The following RABGAP1L variants were observed in gnomAD, a reference collection of about 807,000 sequenced individuals.
RABGAP1L encodes the protein RAB GTPase activating protein 1 like.
RABGAP1L carries 63 observed loss-of-function variants against 137.7 expected under a neutral mutation model. That is an observed-to-expected ratio of 0.46 (90% confidence interval 0.37 to 0.56). The LOEUF is 0.56. RABGAP1L is among the 20% of genes least tolerant of loss of function. The pLI is 0.00. For synonymous variants in RABGAP1L, 431 were observed against 433.7 expected, an observed-to-expected ratio of 0.99 and a Z score of 0.08; for missense variants, 1,095 against 1,244.0, an observed-to-expected ratio of 0.88 and a Z score of 1.80.
intron 19 of RABGAP1L, among the ~76,000 whole-genome samples, chr1:174,908,533 T>C (rs986256935): frequency 3.5e-5 from 5 of 144,780 alleles, no homozygotes; most frequent in African/African-American, 1.3e-4. Context: ...TTAAACAACA[T>C]ATTCTTTTTT....
intron 11 of RABGAP1L, among the ~76,000 whole-genome samples, chr1:174,322,440 T>A (rs1680079164): frequency 6.6e-6 from 1 of 152,174 alleles, no homozygotes; most frequent in African/African-American, 2.4e-5. Flanking sequence ...GGCAAGAATC[T>A]CCAAAAGCGC....
At chr1:174,596,983 C>T (rs1406602304) in intron 13 of RABGAP1L, among the ~76,000 whole-genome samples, 2 of 151,922 alleles carry the variant, frequency 1.3e-5, no homozygotes, top group East Asian at 1.9e-4. Flanking sequence ...ATCATATGGT[C>T]TACGTCCTTC....
chr1:174,251,001 C>G (rs953235746), intron 6 of RABGAP1L, among the ~76,000 whole-genome samples: 4 of 152,196 alleles, frequency 2.6e-5, no homozygotes, highest in Admixed American at 6.5e-5. Flanking sequence ...GGGTTTCACC[C>G]CGTTGGCCAG....
intron 5 of RABGAP1L, 126 bp downstream of exon 5, chr1:174,241,783 T>C: frequency 1.2e-6 from 1 of 853,658 alleles, no homozygotes; most frequent in African/African-American, 1.7e-5. Context: ...ACAAAATTAA[T>C]ATTTGTAATG....
intron 13 of RABGAP1L, among the ~76,000 whole-genome samples, chr1:174,621,302 C>A (rs898666450): frequency 1.3e-5 from 2 of 152,162 alleles, no homozygotes; most frequent in Admixed American, 6.5e-5. Context: ...AGATTCAATG[C>A]CATCCCCATC....
At chr1:174,596,439 T>C (rs1223940993) in intron 13 of RABGAP1L, among the ~76,000 whole-genome samples, 1 of 152,218 alleles carries the variant, frequency 6.6e-6, no homozygotes, top group Non-Finnish European at 1.5e-5. Context: ...TTCACTTCTT[T>C]GGTTAAGTTA....
At chr1:174,364,782 GGT>G (rs1172911559) in intron 11 of RABGAP1L, among the ~76,000 whole-genome samples, 1 of 152,132 alleles carries the variant, frequency 6.6e-6, no homozygotes, top group African/African-American at 2.4e-5. Context: ...CAAGGTCAAT[GGT>G]GTACTCCATG....
chr1:174,348,818 C>G (rs1292536915), intron 11 of RABGAP1L, among the ~76,000 whole-genome samples: 1 of 151,870 alleles, frequency 6.6e-6, no homozygotes, highest in Non-Finnish European at 1.5e-5. Context: ...AGGAATTTTT[C>G]TTAGTGCAGA....
At chr1:174,851,927 A>G (rs1648435815) in intron 19 of RABGAP1L, among the ~76,000 whole-genome samples, 2 of 152,180 alleles carry the variant, frequency 1.3e-5, no homozygotes, top group African/African-American at 2.4e-5. Flanking sequence ...ATGATAGTGC[A>G]ATCAAGTAAC....
intron 19 of RABGAP1L, among the ~76,000 whole-genome samples, chr1:174,906,865 T>C (rs1659176055): frequency 1.3e-5 from 2 of 150,220 alleles, no homozygotes; most frequent in African/African-American, 4.9e-5. Flanking sequence ...ATATAGGCCA[T>C]GAGGGGATGA....
chr1:174,637,148 A>T (rs1280057319), intron 13 of RABGAP1L, among the ~76,000 whole-genome samples: 1 of 152,024 alleles, frequency 6.6e-6, no homozygotes, highest in Non-Finnish European at 1.5e-5. Flanking sequence ...CCATATAAAC[A>T]TACATACACA....
At chr1:174,391,649 G>T (rs1687220250) in intron 12 of RABGAP1L, among the ~76,000 whole-genome samples, 1 of 152,118 alleles carries the variant, frequency 6.6e-6, no homozygotes, top group Non-Finnish European at 1.5e-5. Flanking sequence ...GCCAAGAAAG[G>T]ATTCTTTCAC....
chr1:174,355,695 A>G (rs747640552), intron 11 of RABGAP1L, among the ~76,000 whole-genome samples: 104 of 152,252 alleles, frequency 6.8e-4, no homozygotes, highest in Non-Finnish European at 1.3e-3. Flanking sequence ...TGACTGCCCT[A>G]GGTCTCGAGT....
rs74128329 is a variant in RABGAP1L, at chr1:174,252,714, A to C, written c.986+124A>C. On this transcript the variant is annotated intron_variant, in intron 7 of 25. Transcript: ENST00000681986. The stretch of plus-strand genomic sequence containing the variant: ...CTCCAATTAAAAATGAGGATAATTA[A>C]TAATACTTTCTCTACTTTAACTTAG... 2.5e-3 allele frequency: 3,477 copies of C among 1,384,476 alleles called. 107 individuals carry two copies. The African/African-American group carries it at 0.049, about 19-fold the overall frequency. The allele number at this position is 1,384,476 out of a possible 1,614,324, so 85.8% of individuals were successfully genotyped here. A position where few individuals can be genotyped will look rare whatever the true frequency, so the allele number is the denominator to read the frequency against.
chr1:174,255,632 C>T (rs1393176070), intron 7 of RABGAP1L, among the ~76,000 whole-genome samples: 1 of 152,224 alleles, frequency 6.6e-6, no homozygotes, highest in Non-Finnish European at 1.5e-5. Context: ...TCCAGCTATT[C>T]TCCTGCCTCA....
chr1:174,330,040 A>G (rs182838341), intron 11 of RABGAP1L, among the ~76,000 whole-genome samples: 1 of 152,332 alleles, frequency 6.6e-6, no homozygotes, highest in East Asian at 1.9e-4. Context: ...TAGTCCTGGA[A>G]ATTCTAGCCA....
At chr1:174,490,106 G>A (rs1283598371) in intron 13 of RABGAP1L, among the ~76,000 whole-genome samples, 1 of 151,968 alleles carries the variant, frequency 6.6e-6, no homozygotes, top group Non-Finnish European at 1.5e-5. Context: ...AGTTTGTTTG[G>A]TGAGGTCATG....
chr1:174,786,250 AT>A (rs1007661585), intron 18 of RABGAP1L, among the ~76,000 whole-genome samples: 1 of 152,172 alleles, frequency 6.6e-6, no homozygotes, highest in Non-Finnish European at 1.5e-5. Flanking sequence ...TAAAGGGGAT[AT>A]TTTTTGTTAA....
intron 18 of RABGAP1L, among the ~76,000 whole-genome samples, chr1:174,762,079 G>T (rs1685271745): frequency 6.6e-6 from 1 of 152,036 alleles, no homozygotes; most frequent in Non-Finnish European, 1.5e-5. Context: ...ACTGAGTGTT[G>T]AGGGACAGAT....
Sources: gnomAD v4.1 joint callset for allele counts (sites outside exome capture counted in the v4.1 genomes callset) on GRCh38, gnomAD v4.1.1 for gene constraint, MANE v1.5 for transcripts, NCBI Gene and HGNC (gene_info 2026-07-23, HGNC 2026-07-21) for gene names.